Variants in CDH9 observed in about 807,000 individuals in gnomAD.
CDH9 encodes the protein cadherin 9.
A neutral mutation model predicts 70.9 loss-of-function variants in CDH9; 28 were observed. The ratio of observed to expected loss-of-function variants is 0.40; its 90% CI spans 0.29 to 0.54. CDH9 has a LOEUF of 0.54. CDH9 is among the 20% of genes least tolerant of loss of function. The pLI is 0.59. For synonymous variants in CDH9, 409 were observed against 343.1 expected (o/e 1.19, Z -2.12); for missense variants, 874 against 984.4 (o/e 0.89, Z 1.50).
chr5:26,978,303 G>A (rs563903004), intron 2 of CDH9, among the ~76,000 whole-genome samples: 1 of 151,802 alleles, frequency 6.6e-6, no homozygotes, highest in East Asian at 1.9e-4. Context: ...TAAAATAATT[G>A]GAAGTACATG....
intron 1 of CDH9, among the ~76,000 whole-genome samples, chr5:27,026,235 T>A (rs1743219391): frequency 1.3e-5 from 2 of 152,020 alleles, no homozygotes; most frequent in Non-Finnish European, 2.9e-5. Flanking sequence ...TTCACATTCT[T>A]ATTATATGTT....
At chr5:26,885,898 T>A (rs1561182358) in intron 10 of CDH9, 33 bp from the exon 11 acceptor site, 3 of 1,605,812 alleles carry the variant, frequency 1.9e-6, no homozygotes. Flanking sequence ...AAACAAAAAC[T>A]TTCATATTTG....
At chr5:26,948,170 T>G (rs1056451247) in intron 2 of CDH9, among the ~76,000 whole-genome samples, 1 of 152,178 alleles carries the variant, frequency 6.6e-6, no homozygotes, top group Non-Finnish European at 1.5e-5. Context: ...ATCCTTAATG[T>G]AGATTGTTTA....
intron 2 of CDH9, among the ~76,000 whole-genome samples, chr5:26,978,638 T>A (rs1742344443): frequency 2.0e-5 from 3 of 148,974 alleles, no homozygotes; most frequent in Admixed American, 1.3e-4. Flanking sequence ...CTCACTGATC[T>A]AAGGAGGCCA....
chr5:27,035,693 TGTGTGTGTGTGTGTGTGG>T (rs1283490056), intron 1 of CDH9, among the ~76,000 whole-genome samples: 12 of 144,278 alleles, frequency 8.3e-5, no homozygotes, highest in Non-Finnish European at 1.8e-4. Context: ...TGTGTGTGTG[TGTGTGTGTGTGTGTGTGG>T]GTGTGTGTGG....
intron 11 of CDH9, among the ~76,000 whole-genome samples, chr5:26,883,861 T>C (rs1418140150): frequency 1.3e-5 from 2 of 152,088 alleles, no homozygotes; most frequent in African/African-American, 4.8e-5. Context: ...AAAATAGATA[T>C]AAACTAAGAG....
At chr5:26,897,451 A>T (rs1364996831) in intron 7 of CDH9, among the ~76,000 whole-genome samples, 1 of 152,008 alleles carries the variant, frequency 6.6e-6, no homozygotes, top group Non-Finnish European at 1.5e-5. Context: ...TCCAGCAGCA[A>T]ATCAAAAAGC....
chr5:26,972,269 C>T (rs1485591970), intron 2 of CDH9, among the ~76,000 whole-genome samples: 1 of 152,114 alleles, frequency 6.6e-6, no homozygotes, highest in Middle Eastern at 3.2e-3. Context: ...CGGCTGTCAG[C>T]AGCAACTAAT....
At chr5:26,918,218 C>T (rs561552224) in intron 2 of CDH9, among the ~76,000 whole-genome samples, 12 of 152,222 alleles carry the variant, frequency 7.9e-5, no homozygotes, top group Admixed American at 3.3e-4. Flanking sequence ...GTTTCCCTCA[C>T]CTTTTTACAC....
chr5:26,940,385 C>G (rs367856901), intron 2 of CDH9, among the ~76,000 whole-genome samples: 12 of 152,006 alleles, frequency 7.9e-5, no homozygotes, highest in African/African-American at 2.7e-4. Context: ...TAAAAAGGAG[C>G]TATCTATTTA....
chr5:27,002,647 A>C (rs1219449666), intron 1 of CDH9, among the ~76,000 whole-genome samples: 1 of 151,992 alleles, frequency 6.6e-6, no homozygotes, highest in Admixed American at 6.6e-5. Flanking sequence ...GGAAACCATC[A>C]TTCTCAGCAA....
chr5:26,985,354 C>T (rs986851742), intron 2 of CDH9, among the ~76,000 whole-genome samples: 3 of 151,946 alleles, frequency 2.0e-5, no homozygotes, highest in African/African-American at 7.3e-5. Flanking sequence ...TGTAAATCAA[C>T]CCAACAAGAA....
chr5:26,993,857 G>A (rs181360498), intron 1 of CDH9, among the ~76,000 whole-genome samples: 57 of 152,154 alleles, frequency 3.7e-4, no homozygotes, highest in Non-Finnish European at 5.6e-4. Context: ...GGTAGGGGTG[G>A]TCACCCAGAA....
intron 1 of CDH9, among the ~76,000 whole-genome samples, chr5:27,014,096 A>T (rs1743006130): frequency 6.6e-6 from 1 of 151,984 alleles, no homozygotes; most frequent in Admixed American, 6.6e-5. Flanking sequence ...GCCACTGTAC[A>T]TCTCAAATAT....
chr5:26,919,839 C>T (rs1207162780), intron 2 of CDH9, among the ~76,000 whole-genome samples: 3 of 152,114 alleles, frequency 2.0e-5, no homozygotes, highest in Non-Finnish European at 4.4e-5. Flanking sequence ...TGGCAGGACT[C>T]ATCATCTGCT....
chr5:26,883,336 C>T (rs1236399421), intron 11 of CDH9, among the ~76,000 whole-genome samples: 1 of 151,546 alleles, frequency 6.6e-6, no homozygotes, highest in Non-Finnish European at 1.5e-5. Flanking sequence ...CTAATTCCCA[C>T]AAATGGTCCT....
At chr5:26,922,597 G>A (rs916898924) in intron 2 of CDH9, among the ~76,000 whole-genome samples, 3 of 151,960 alleles carry the variant, frequency 2.0e-5, no homozygotes, top group African/African-American at 7.2e-5. Context: ...GCTAAAGGGA[G>A]TTCCTTAATG....
intron 1 of CDH9, among the ~76,000 whole-genome samples, chr5:26,991,293 C>T (rs755218780): frequency 9.9e-5 from 15 of 152,278 alleles, no homozygotes; most frequent in Non-Finnish European, 2.1e-4. Flanking sequence ...TATGCTTTTG[C>T]TTCTAATGGT....
chr5:26,950,476 GC>G (rs1561014363), intron 2 of CDH9, among the ~76,000 whole-genome samples: 2 of 152,172 alleles, frequency 1.3e-5, no homozygotes, highest in African/African-American at 4.8e-5. Context: ...GTCACCACTT[GC>G]TAAAATGCCT....
Sources: allele counts gnomAD v4.1 joint callset (sites outside exome capture counted in the v4.1 genomes callset), GRCh38; gene constraint gnomAD v4.1.1; transcripts MANE v1.5; gene names NCBI Gene and HGNC (gene_info 2026-07-23, HGNC 2026-07-21).